The following GSK3B variants were observed in gnomAD, a reference collection of about 807,000 sequenced individuals.
GSK3B encodes glycogen synthase kinase-3 beta.
In GSK3B, 15 loss-of-function variants were observed where a neutral mutation model predicts 56.4. The ratio of observed to expected loss-of-function variants is 0.27; its 90% CI spans 0.18 to 0.41. GSK3B has a LOEUF of 0.41. Among genes scored for constraint, GSK3B ranks in the 10% least tolerant of loss-of-function variants. The probability of loss-of-function intolerance (pLI) is 1.00; values close to 1 mark genes in which losing one functional copy is unlikely to be tolerated. For missense variants in GSK3B, 300 were observed against 513.4 expected, an observed-to-expected ratio of 0.58 and a Z score of 4.02; for synonymous variants, 181 against 188.9, an observed-to-expected ratio of 0.96 and a Z score of 0.34.
At chr3:119,958,870 A>G (rs537807085) in intron 2 of GSK3B, among the ~76,000 whole-genome samples, 199 of 152,216 alleles carry the variant, frequency 1.3e-3, no homozygotes, top group South Asian at 2.3e-3. Flanking sequence ...CTCTTAGACC[A>G]TTTGCTTTCT....
At chr3:120,049,656 G>C (rs1490099123) in intron 1 of GSK3B, among the ~76,000 whole-genome samples, 1 of 152,208 alleles carries the variant, frequency 6.6e-6, no homozygotes, top group Non-Finnish European at 1.5e-5. Flanking sequence ...CAAATGAGTA[G>C]TAAATAAAAG....
intron 1 of GSK3B, among the ~76,000 whole-genome samples, chr3:120,034,122 C>A (rs572338411): frequency 2.2e-4 from 33 of 152,224 alleles, no homozygotes; most frequent in African/African-American, 7.9e-4. Flanking sequence ...TTCTTGTATT[C>A]TGGATACAAG....
chr3:119,844,139 C>T (rs1577310435), intron 9 of GSK3B, among the ~76,000 whole-genome samples: 1 of 152,092 alleles, frequency 6.6e-6, no homozygotes, highest in Non-Finnish European at 1.5e-5. Flanking sequence ...AACAAAGACA[C>T]AACATACCAG....
chr3:119,931,515 C>CTGAG (rs2107474669), intron 3 of GSK3B, among the ~76,000 whole-genome samples: 2 of 152,172 alleles, frequency 1.3e-5, no homozygotes, highest in East Asian at 3.9e-4. Context: ...ACTCAGGAGG[C>CTGAG]TGAGGCATGA....
At chr3:119,986,221 C>T (rs965123916) in intron 2 of GSK3B, among the ~76,000 whole-genome samples, 2 of 152,098 alleles carry the variant, frequency 1.3e-5, no homozygotes, top group Admixed American at 1.3e-4. Context: ...AGACCTAAAA[C>T]CATAAAAACC....
chr3:119,881,166 T>C (rs781479388), intron 7 of GSK3B, among the ~76,000 whole-genome samples: 1 of 152,308 alleles, frequency 6.6e-6, no homozygotes, highest in Non-Finnish European at 1.5e-5. Flanking sequence ...CATACCTTTA[T>C]GGATGAATCT....
chr3:119,953,637 C>T (rs1421420723), intron 2 of GSK3B, among the ~76,000 whole-genome samples: 1 of 152,076 alleles, frequency 6.6e-6, no homozygotes, highest in Non-Finnish European at 1.5e-5. Flanking sequence ...CACTCATGAC[C>T]AATGTGAATT....
At chr3:119,913,091 T>G (rs1185741897) in intron 5 of GSK3B, among the ~76,000 whole-genome samples, 1 of 152,114 alleles carries the variant, frequency 6.6e-6, no homozygotes, top group African/African-American at 2.4e-5. Flanking sequence ...TTTCTTCTGA[T>G]CCTCTGTTCC....
intron 1 of GSK3B, among the ~76,000 whole-genome samples, chr3:120,081,914 A>G (rs1281843597): frequency 1.3e-5 from 2 of 152,208 alleles, no homozygotes; most frequent in Non-Finnish European, 1.5e-5. Context: ...ATGAATGACT[A>G]AAGAGGTGGC....
intron 3 of GSK3B, among the ~76,000 whole-genome samples, chr3:119,946,382 AAC>A (rs1489031215): frequency 1.3e-5 from 2 of 152,222 alleles, no homozygotes; most frequent in African/African-American, 4.8e-5. Context: ...TATACTAAAA[AAC>A]AGTTACATAA....
At chr3:119,947,214 A>G (rs1440528905) in intron 3 of GSK3B, 54 bp downstream of exon 3, 1 of 1,058,762 alleles carries the variant, frequency 9.4e-7, no homozygotes, top group Non-Finnish European at 1.5e-6. Flanking sequence ...ATTAATTTCT[A>G]GAAAAATAAC....
chr3:119,863,679 G>A, intron 8 of GSK3B, 74 bp from the exon 9 acceptor site: 1 of 892,576 alleles, frequency 1.1e-6, no homozygotes, highest in Non-Finnish European at 1.8e-6. Flanking sequence ...TGTGAATAAT[G>A]ACTTAATTCC....
intron 1 of GSK3B, among the ~76,000 whole-genome samples, chr3:120,081,147 T>C (rs1473071586): frequency 6.6e-5 from 10 of 151,970 alleles, no homozygotes; most frequent in Admixed American, 6.6e-4. Context: ...CTTTCAGTCA[T>C]CCATCCAAAG....
At chr3:119,880,937 A>G (rs143983175) in intron 7 of GSK3B, among the ~76,000 whole-genome samples, 3 of 152,310 alleles carry the variant, frequency 2.0e-5, no homozygotes, top group East Asian at 1.9e-4. Context: ...ATGAGTGTTT[A>G]TAAGTGTATA....
At chr3:120,044,057 G>A (rs757749637) in intron 1 of GSK3B, among the ~76,000 whole-genome samples, 2 of 152,214 alleles carry the variant, frequency 1.3e-5, no homozygotes, top group African/African-American at 2.4e-5. Context: ...CAGAGGCCCA[G>A]ATTGTCCCCT....
rs559617952 is a variant in GSK3B at position 119,943,658 on chromosome 3, A to C, written c.366+3610T>G. Among the ~76,000 whole-genome samples the C allele has an allele frequency of 2.3e-4, 35 of 152,252 alleles. No individual in the cohort carries two copies. In the South Asian group the frequency reaches 7.2e-3, roughly 32 times the overall value. ...AGAACCCATATACAGATTTAGAAGC[A>C]ATCAGAAAGAGAGTGGGATGGGTAA... On this transcript the variant is annotated intron_variant, in intron 3 of 10. Transcript: ENST00000264235.
chr3:119,919,515 A>G (rs542376435), intron 4 of GSK3B, among the ~76,000 whole-genome samples: 20 of 149,598 alleles, frequency 1.3e-4, no homozygotes, highest in Non-Finnish European at 2.1e-4. Context: ...CTGTGGTTAC[A>G]TAAGAAAAAA....
intron 1 of GSK3B, chr3:120,029,301 C>T (rs769202519): frequency 1.1e-5 from 8 of 742,182 alleles, no homozygotes; most frequent in Non-Finnish European, 2.0e-5. Context: ...ACCTTCTCTG[C>T]AGCGGACAAT....
At chr3:119,998,374 A>G (rs941951092) in intron 2 of GSK3B, among the ~76,000 whole-genome samples, 1 of 152,202 alleles carries the variant, frequency 6.6e-6, no homozygotes, top group African/African-American at 2.4e-5. Context: ...TCTGCCAACA[A>G]TCACATAGTA....
Sources: allele counts gnomAD v4.1 joint callset (sites outside exome capture counted in the v4.1 genomes callset), GRCh38; gene constraint gnomAD v4.1.1; transcripts MANE v1.5; gene names NCBI Gene and HGNC (gene_info 2026-07-23, HGNC 2026-07-21).